TPH2: variants seen among roughly 807,000 people sequenced by gnomAD.
TPH2 encodes tryptophan hydroxylase 2.
TPH2 carries 27 observed loss-of-function variants against 59.1 expected under a neutral mutation model. The observed-to-expected ratio is 0.46, with a 90% confidence interval of 0.34 to 0.63. The LOEUF is 0.63. Ranked by LOEUF, TPH2 falls within the 30% of genes least tolerant of loss-of-function variation. The pLI is 0.01. For missense variants in TPH2, 523 were observed against 588.3 expected (o/e 0.89, Z 1.15); for synonymous variants, 220 against 210.5 (o/e 1.05, Z -0.39).
At chr12:71,986,254 A>G (rs1872431067) in intron 7 of TPH2, among the ~76,000 whole-genome samples, 1 of 152,166 alleles carries the variant, frequency 6.6e-6, no homozygotes, top group Non-Finnish European at 1.5e-5. Context: ...AAAATACCAA[A>G]TAAGTCCACC....
intron 5 of TPH2, chr12:71,962,772 G>A (rs1244992358): frequency 4.9e-6 from 4 of 816,108 alleles, no homozygotes; most frequent in Admixed American, 1.3e-4. Flanking sequence ...AAGCTGAGGT[G>A]CAGTGGCACG....
intron 5 of TPH2, among the ~76,000 whole-genome samples, chr12:71,951,590 C>T (rs556543078): frequency 6.6e-6 from 1 of 152,254 alleles, no homozygotes; most frequent in East Asian, 1.9e-4. Context: ...TCAAGTGATC[C>T]TCCTGCCTTG....
At chr12:72,026,945 G>A (rs1468052555) in intron 9 of TPH2, among the ~76,000 whole-genome samples, 1 of 152,078 alleles carries the variant, frequency 6.6e-6, no homozygotes, top group African/African-American at 2.4e-5. Flanking sequence ...GTATATATTT[G>A]TTGTTCTTTT....
chr12:72,009,921 G>T (rs189610555), intron 8 of TPH2, among the ~76,000 whole-genome samples: 1 of 152,192 alleles, frequency 6.6e-6, no homozygotes, highest in Non-Finnish European at 1.5e-5. Context: ...TGGGGGTTAG[G>T]CACACTTGAT....
At chr12:71,947,088 A>T (rs1292751526) in intron 4 of TPH2, among the ~76,000 whole-genome samples, 1 of 152,194 alleles carries the variant, frequency 6.6e-6, no homozygotes, top group African/African-American at 2.4e-5. Context: ...ACTTTCAGGG[A>T]TGGCCCAGGA....
intron 5 of TPH2, chr12:71,964,742 G>A: frequency 1.0e-6 from 1 of 985,274 alleles, no homozygotes; most frequent in Non-Finnish European, 1.2e-6. Flanking sequence ...TGCAACAAAT[G>A]CTTGATAAGA....
intron 9 of TPH2, among the ~76,000 whole-genome samples, chr12:72,029,117 C>A (rs1388306556): frequency 6.6e-6 from 1 of 152,196 alleles, no homozygotes; most frequent in Non-Finnish European, 1.5e-5. Context: ...TACATAGTGA[C>A]TGCTAAGGTT....
intron 8 of TPH2, among the ~76,000 whole-genome samples, chr12:72,017,459 C>T (rs1188107284): frequency 6.6e-6 from 1 of 151,910 alleles, no homozygotes; most frequent in Non-Finnish European, 1.5e-5. Flanking sequence ...GTAATTATAT[C>T]CAAATAAAAT....
chr12:71,974,422 C>A (rs1872058793), intron 6 of TPH2, among the ~76,000 whole-genome samples: 1 of 152,166 alleles, frequency 6.6e-6, no homozygotes, highest in Non-Finnish European at 1.5e-5. Flanking sequence ...CTTCTAGAGT[C>A]CTCCTGCATT....
chr12:71,970,815 A>G (rs1592392351), intron 5 of TPH2, among the ~76,000 whole-genome samples: 1 of 152,270 alleles, frequency 6.6e-6, no homozygotes. Context: ...AAATTTAAAC[A>G]AGGCTAATCT....
chr12:72,028,090 G>A (rs116491468), intron 9 of TPH2, among the ~76,000 whole-genome samples: 3,643 of 152,230 alleles, frequency 0.024, 141 homozygotes, highest in African/African-American at 0.083. Flanking sequence ...TCCTTTTAGA[G>A]GGTGTTCTGA....
intron 5 of TPH2, chr12:71,965,026 G>C (rs1871779296): frequency 6.6e-6 from 1 of 152,214 alleles, no homozygotes; most frequent in African/African-American, 2.4e-5. Context: ...TTACAAGTGA[G>C]AACATGCAGT....
intron 5 of TPH2, chr12:71,962,681 T>C: frequency 6.1e-6 from 6 of 983,130 alleles, no homozygotes; most frequent in Non-Finnish European, 7.2e-6. Flanking sequence ...TGCTTTAGGC[T>C]GATTGATTGA....
intron 7 of TPH2, among the ~76,000 whole-genome samples, chr12:71,985,289 C>T (rs891240156): frequency 4.6e-5 from 7 of 152,192 alleles, no homozygotes; most frequent in African/African-American, 1.4e-4. Context: ...TAACACTAAA[C>T]AAAAATACTC....
At chr12:71,988,099 G>T (rs1872489735) in intron 7 of TPH2, among the ~76,000 whole-genome samples, 4 of 152,308 alleles carry the variant, frequency 2.6e-5, no homozygotes, top group African/African-American at 9.6e-5. Flanking sequence ...TATCATTGCA[G>T]ACAGTCCGAT....
intron 8 of TPH2, among the ~76,000 whole-genome samples, chr12:71,996,028 A>T (rs1024586114): frequency 1.3e-5 from 2 of 152,240 alleles, no homozygotes; most frequent in African/African-American, 4.8e-5. Flanking sequence ...TTATATCATA[A>T]TTTCTATGGC....
At chr12:71,949,355 T>C (rs1289747113) in intron 4 of TPH2, among the ~76,000 whole-genome samples, 1 of 152,192 alleles carries the variant, frequency 6.6e-6, no homozygotes, top group Admixed American at 6.5e-5. Context: ...GCTTACTTAG[T>C]GGAAAGGTAA....
Position 71,944,291 on chromosome 12 carries a change from C to A in TPH2, c.256-3C>A, listed in dbSNP as rs1188009359. The A allele has an allele frequency of 6.2e-7, 1 of 1,613,624 alleles. No homozygotes were observed. On this transcript the variant is annotated splice_polypyrimidine_tract_variant and splice_region_variant and intron_variant, in intron 2 of 10. Transcript: ENST00000333850. Reference sequence around the variant, plus strand: ...TGATTTTCAGATGCTCGTGTTTCCACAGGAAAAACGTGTCAACATGGTTCA... The same window carrying A: ...TGATTTTCAGATGCTCGTGTTTCCAAAGGAAAAACGTGTCAACATGGTTCA...
chr12:72,007,874 G>A (rs1019744218), intron 8 of TPH2, among the ~76,000 whole-genome samples: 1 of 151,922 alleles, frequency 6.6e-6, no homozygotes, highest in African/African-American at 2.4e-5. Context: ...TTGGAAAGAT[G>A]TTCTAGCAAA....
Sources: gnomAD v4.1 joint callset for allele counts (sites outside exome capture counted in the v4.1 genomes callset) on GRCh38, gnomAD v4.1.1 for gene constraint, MANE v1.5 for transcripts, NCBI Gene and HGNC (gene_info 2026-07-23, HGNC 2026-07-21) for gene names.